Variants in PDE4D observed in about 807,000 individuals in gnomAD.
PDE4D encodes the protein 3',5'-cyclic-AMP phosphodiesterase 4D.
Under a neutral mutation model 87.4 loss-of-function variants are expected in PDE4D, and 24 were observed. The observed-to-expected ratio is 0.27, with a 90% CI of 0.20 to 0.39. The LOEUF (loss-of-function observed/expected upper bound fraction) is 0.39, where lower values mean the gene tolerates loss of function less well. Ranked by LOEUF, PDE4D falls within the 10% of genes least tolerant of loss-of-function variation. PDE4D has a pLI of 1.00. For synonymous variants in PDE4D, 384 were observed against 383.2 expected (o/e 1.00, Z -0.02); for missense variants, 714 against 1,041.0 (o/e 0.69, Z 4.32).
chr5:59,715,348 G>C (rs1754851994), intron 1 of PDE4D, among the ~76,000 whole-genome samples: 1 of 152,208 alleles, frequency 6.6e-6, no homozygotes, highest in South Asian at 2.1e-4. Flanking sequence ...GGGGCCTGAA[G>C]CACCCCTACA....
chr5:60,236,133 T>C (rs1039448238), intron 1 of PDE4D, among the ~76,000 whole-genome samples: 4 of 151,484 alleles, frequency 2.6e-5, no homozygotes, highest in African/African-American at 9.7e-5. Context: ...AATATAAAAC[T>C]ATAAAACTTC....
At chr5:59,990,373 T>C (rs1478705140) in intron 2 of PDE4D, among the ~76,000 whole-genome samples, 1 of 152,190 alleles carries the variant, frequency 6.6e-6, no homozygotes, top group Non-Finnish European at 1.5e-5. Context: ...CTGTCTTTGA[T>C]GCTCACTCTT....
chr5:59,197,969 A>C (rs1412890580), intron 2 of PDE4D, among the ~76,000 whole-genome samples: 1 of 152,204 alleles, frequency 6.6e-6, no homozygotes, highest in Non-Finnish European at 1.5e-5. Flanking sequence ...TACTTGGCTA[A>C]ATATTTTTCT....
intron 1 of PDE4D, among the ~76,000 whole-genome samples, chr5:59,331,886 C>T (rs935475973): frequency 6.6e-6 from 1 of 152,186 alleles, no homozygotes; most frequent in Non-Finnish European, 1.5e-5. Context: ...TAATCAAATG[C>T]TAGCTTACTT....
At chr5:59,793,237 C>A (rs1243616584) in intron 1 of PDE4D, among the ~76,000 whole-genome samples, 1 of 152,176 alleles carries the variant, frequency 6.6e-6, no homozygotes, top group Non-Finnish European at 1.5e-5. Context: ...GTGAATACCA[C>A]AAACTTTTGT....
intron 1 of PDE4D, among the ~76,000 whole-genome samples, chr5:60,442,586 T>A (rs1232380482): frequency 1.3e-5 from 2 of 151,900 alleles, no homozygotes; most frequent in South Asian, 2.1e-4. Flanking sequence ...AGTATAATAA[T>A]AAAATAATAA....
At chr5:59,846,250 G>A (rs1743827520) in intron 1 of PDE4D, among the ~76,000 whole-genome samples, 2 of 152,002 alleles carry the variant, frequency 1.3e-5, no homozygotes, top group Admixed American at 6.6e-5. Context: ...TTTTGATAAG[G>A]ACAAAATTCT....
intron 1 of PDE4D, among the ~76,000 whole-genome samples, chr5:59,384,151 C>T (rs1786487961): frequency 6.6e-6 from 1 of 152,152 alleles, no homozygotes; most frequent in Non-Finnish European, 1.5e-5. Context: ...AGCAATCCTC[C>T]CACCTGGGCC....
At chr5:60,169,104 A>C (rs962935682) in intron 2 of PDE4D, among the ~76,000 whole-genome samples, 2 of 152,130 alleles carry the variant, frequency 1.3e-5, no homozygotes, top group Non-Finnish European at 2.9e-5. Flanking sequence ...ACAGCTTGCC[A>C]TGGAGAATTA....
intron 2 of PDE4D, among the ~76,000 whole-genome samples, chr5:60,012,384 T>G (rs527587573): frequency 1.3e-5 from 2 of 152,236 alleles, no homozygotes; most frequent in African/African-American, 4.8e-5. Flanking sequence ...CATTTTATTC[T>G]ATTCAGAATT....
intron 1 of PDE4D, among the ~76,000 whole-genome samples, chr5:60,382,280 G>A (rs1257703449): frequency 6.6e-6 from 1 of 152,008 alleles, no homozygotes; most frequent in Non-Finnish European, 1.5e-5. Flanking sequence ...GTATCTATGT[G>A]GCTAACACCA....
chr5:59,710,011 G>A (rs1038015385), intron 1 of PDE4D, among the ~76,000 whole-genome samples: 2 of 152,146 alleles, frequency 1.3e-5, no homozygotes, highest in Admixed American at 1.3e-4. Context: ...GGGATTATTA[G>A]GGAAAGAGAG....
chr5:59,893,555 C>G lies in PDE4D; in HGVS notation c.68G>C (p.Gly23Ala). ...GSGEGSDSAG[G>A]ATLKAPKHLW... The stretch of plus-strand genomic sequence containing the variant: ...ATGCTTGGGGGCTTTGAGCGTGGCC[C>G]CGCCGGCGCTGTCGCTGCCCTCTCC... The change falls in exon 1 of 15, where the codon GGG (glycine) becomes GCG (alanine). Residue 23 changes from glycine (G) to alanine (A), a missense_variant. By Grantham distance (60) the Gly-to-Ala change is moderately conservative. Coordinates refer to ENST00000340635, the MANE Select transcript of PDE4D (RefSeq NM_001104631.2). 4 of 1,537,910 alleles carry G rather than the reference C, an allele frequency of 2.6e-6. No individual in the cohort carries two copies. Among genetic ancestry groups the G allele is most frequent in the Non-Finnish European group, 3.5e-6 (4 of 1,141,782 alleles).
intron 3 of PDE4D, among the ~76,000 whole-genome samples, chr5:59,900,202 T>G (rs1752090736): frequency 6.7e-6 from 1 of 149,424 alleles, no homozygotes; most frequent in Non-Finnish European, 1.5e-5. Context: ...ATCACACCAC[T>G]GCACTCTAAC....
intron 5 of PDE4D, among the ~76,000 whole-genome samples, chr5:59,098,515 T>C (rs939972562): frequency 1.1e-4 from 17 of 149,146 alleles, no homozygotes; most frequent in African/African-American, 4.0e-4. Flanking sequence ...CTGGGTAACA[T>C]AGTGAGACCT....
intron 1 of PDE4D, among the ~76,000 whole-genome samples, chr5:60,321,319 T>C (rs1305232067): frequency 2.6e-4 from 40 of 152,182 alleles, no homozygotes; most frequent in Non-Finnish European, 1.5e-5. Flanking sequence ...GTTCAATAAA[T>C]GGTGCTAGGA....
At chr5:60,061,860 T>G (rs1324876025) in intron 2 of PDE4D, among the ~76,000 whole-genome samples, 1 of 152,082 alleles carries the variant, frequency 6.6e-6, no homozygotes, top group Non-Finnish European at 1.5e-5. Flanking sequence ...ACTGGCTAGC[T>G]ATATGCAGAA....
intron 1 of PDE4D, among the ~76,000 whole-genome samples, chr5:60,360,460 A>G (rs1759966367): frequency 6.6e-6 from 1 of 152,220 alleles, no homozygotes; most frequent in Non-Finnish European, 1.5e-5. Flanking sequence ...CTCATTCAGA[A>G]TATCTGCCTT....
chr5:59,249,781 G>C (rs1302158912), intron 1 of PDE4D, among the ~76,000 whole-genome samples: 1 of 151,998 alleles, frequency 6.6e-6, no homozygotes, highest in Non-Finnish European at 1.5e-5. Flanking sequence ...TGATTATTTG[G>C]GAGTGTGTTG....
Sources: allele counts gnomAD v4.1 joint callset (sites outside exome capture counted in the v4.1 genomes callset), GRCh38; gene constraint gnomAD v4.1.1; transcripts MANE v1.5; gene names NCBI Gene and HGNC (gene_info 2026-07-23, HGNC 2026-07-21).